Variants in PTAR1 observed in about 807,000 individuals in gnomAD.
PTAR1 encodes the protein protein prenyltransferase alpha subunit repeat containing 1.
In PTAR1, 17 loss-of-function variants were observed where a neutral mutation model predicts 45.5. That is an observed-to-expected ratio of 0.37 (90% CI 0.26 to 0.56). The LOEUF is 0.56. PTAR1 is among the 20% of genes least tolerant of loss of function. PTAR1 has a pLI of 0.77. For synonymous variants in PTAR1, 169 were observed against 171.3 expected, an observed-to-expected ratio of 0.99 and a Z score of 0.11; for missense variants, 391 against 476.3, an observed-to-expected ratio of 0.82 and a Z score of 1.67.
At position 69,734,274 on chromosome 9, in the gene PTAR1, A is replaced by AT; in HGVS notation, c.324-21_324-20insA. 8.4e-7 allele frequency: 1 copy of AT among 1,192,648 alleles called. No homozygotes were observed. Among genetic ancestry groups the AT allele is most frequent in the Middle Eastern group, 2.3e-4 (1 of 4,336 alleles). 73.9% of individuals were successfully genotyped at this position (1,192,648 alleles called of 1,614,324 possible). A position where few individuals can be genotyped will look rare whatever the true frequency, so the allele number is the denominator to read the frequency against. On this transcript the variant is annotated intron_variant, in intron 3 of 7. Transcript: ENST00000340434. ...TCTTTCCTGTAAAAAAAAAAAAAAA[A>AT]AAAAAAAAAAATTAAACATTACTTT...
In PTAR1 at chr9:69,713,989, A is replaced by G. The variant is rs1272352601; in HGVS notation, c.*4353T>C. The G allele has an allele frequency of 1.3e-5, 2 of 152,160 alleles. No individual in the cohort carries two copies. The highest frequency in any genetic ancestry group is 2.9e-5 in the Non-Finnish European group (2 of 68,018). The allele number at this position is 152,160 out of a possible 1,614,324, so 9.4% of individuals were successfully genotyped here. A position where few individuals can be genotyped will look rare whatever the true frequency, so the allele number is the denominator to read the frequency against. On this transcript the variant is annotated 3_prime_UTR_variant, in exon 8 of 8. Transcript: ENST00000340434. ...ACATTAAATATAATCTTGCTCCCAAAAAAGTAAGAAAGGCACTCGAATTAA... is the reference window on the plus strand; with the variant it reads ...ACATTAAATATAATCTTGCTCCCAAGAAAGTAAGAAAGGCACTCGAATTAA...
intron 1 of PTAR1, among the ~76,000 whole-genome samples, chr9:69,752,362 T>C (rs779769397): frequency 2.0e-5 from 3 of 152,208 alleles, no homozygotes; most frequent in Non-Finnish European, 4.4e-5. Context: ...GAAACTAAAC[T>C]GAATAGCTTA....
chr9:69,713,177 G>C lies in PTAR1; in HGVS notation c.*5165C>G, dbSNP rs1824592584. On this transcript the variant is annotated 3_prime_UTR_variant, in exon 8 of 8. Transcript: ENST00000340434. ...TTGGAAGCACAAGGTTTCATCAGCA[G>C]ACTAAACTACTGCCCTGTATTGTTC... 1 of 152,092 alleles carries C rather than the reference G, an allele frequency of 6.6e-6. No homozygotes were observed. The highest frequency in any genetic ancestry group is 2.4e-5 in the African/African-American group (1 of 41,414). The allele number at this position is 152,092 out of a possible 1,614,324, so 9.4% of individuals were successfully genotyped here.
intron 6 of PTAR1, among the ~76,000 whole-genome samples, chr9:69,719,137 C>T (rs1351834618): frequency 1.3e-5 from 2 of 152,146 alleles, no homozygotes; most frequent in African/African-American, 2.4e-5. Flanking sequence ...TCTGTGGCCT[C>T]TATCAAGTAC....
At chr9:69,757,942 C>T (rs1446233106) in intron 1 of PTAR1, 3 of 152,134 alleles carry the variant, frequency 2.0e-5, no homozygotes, top group Non-Finnish European at 4.4e-5. Context: ...TAGTCTTAAA[C>T]AATGAGTTAA....
chr9:69,719,681 C>T (rs371448163), intron 6 of PTAR1, among the ~76,000 whole-genome samples: 17 of 152,240 alleles, frequency 1.1e-4, no homozygotes, highest in African/African-American at 4.1e-4. Flanking sequence ...TTTGCAGATA[C>T]TGTATTTTTT....
chr9:69,748,403 T>TA (rs113978279), intron 2 of PTAR1, among the ~76,000 whole-genome samples: 137,321 of 148,246 alleles, frequency 0.93, 63,589 homozygotes, highest in Middle Eastern at 0.96. Flanking sequence ...ATCACAGACT[T>TA]AAAAAAAAAA....
chr9:69,717,749 A>G lies in PTAR1; in HGVS notation c.*593T>C, dbSNP rs1396026141. The G allele has an allele frequency of 1.3e-5, 2 of 152,190 alleles. No individual in the cohort carries two copies. Among genetic ancestry groups the G allele is most frequent in the Non-Finnish European group, 2.9e-5 (2 of 68,052 alleles). The allele number at this position is 152,190 out of a possible 1,614,324, so 9.4% of individuals were successfully genotyped here. Reference sequence around the variant, plus strand: ...GTTTTAGAGACAGGGTCTCAACTCTATTGCCCAGGCTGAGTACAGTGGTGC... The same window carrying G: ...GTTTTAGAGACAGGGTCTCAACTCTGTTGCCCAGGCTGAGTACAGTGGTGC... On this transcript the variant is annotated 3_prime_UTR_variant, in exon 8 of 8. Transcript: ENST00000340434.
chr9:69,734,050 C>T, intron 4 of PTAR1, 100 bp downstream of exon 4: 3 of 717,758 alleles, frequency 4.2e-6, no homozygotes, highest in Non-Finnish European at 7.2e-6. Flanking sequence ...AGAATTCATG[C>T]TCTGGAACCA....
At chr9:69,737,374 C>G (rs1276688643) in intron 3 of PTAR1, among the ~76,000 whole-genome samples, 1 of 152,122 alleles carries the variant, frequency 6.6e-6, no homozygotes. Flanking sequence ...AGCCACCATA[C>G]CTGGCCTTAG....
intron 1 of PTAR1, among the ~76,000 whole-genome samples, chr9:69,753,501 G>GAT (rs1295354034): frequency 6.6e-6 from 1 of 152,060 alleles, no homozygotes; most frequent in African/African-American, 2.4e-5. Flanking sequence ...GATGGAAATA[G>GAT]ATATATACAC....
chr9:69,759,546 A>T (rs1046859891), intron 1 of PTAR1, among the ~76,000 whole-genome samples: 2 of 152,134 alleles, frequency 1.3e-5, no homozygotes, highest in Non-Finnish European at 2.9e-5. Flanking sequence ...AAGGATGTCG[A>T]CCTACGGGGG....
rs556590869 is a variant in PTAR1, at chr9:69,709,958, T to C, written c.*8384A>G. ...TACATGGTATGGAATTATTCCTCCT[T>C]AATAATGCTTGGCAAATTGGAACAG... On this transcript the variant is annotated 3_prime_UTR_variant, in exon 8 of 8. Transcript: ENST00000340434. 6.6e-6 allele frequency: 1 copy of C among 152,294 alleles called. No individual in the cohort carries two copies. Among genetic ancestry groups the C allele is most frequent in the East Asian group, 1.9e-4 (1 of 5,188 alleles). The allele number at this position is 152,294 out of a possible 1,614,324, so 9.4% of individuals were successfully genotyped here. A position where few individuals can be genotyped will look rare whatever the true frequency, so the allele number is the denominator to read the frequency against.
chr9:69,733,261 T>C (rs1825628033), intron 4 of PTAR1, among the ~76,000 whole-genome samples: 1 of 152,192 alleles, frequency 6.6e-6, no homozygotes, highest in South Asian at 2.1e-4. Context: ...TGTGGTATAC[T>C]ATCTCAATTT....
At position 69,715,011 on chromosome 9, in the gene PTAR1, A is replaced by G. The variant is rs1292128392; in HGVS notation, c.*3331T>C. On this transcript the variant is annotated 3_prime_UTR_variant, in exon 8 of 8. Transcript: ENST00000340434. ...AATCAAAGAATTTCTTCAGATGATT[A>G]AAAGCAGTTTCGGCTCTGTATGCAG... 6.6e-6 allele frequency: 1 copy of G among 152,078 alleles called. No homozygotes were observed. The highest frequency in any genetic ancestry group is 6.6e-5 in the Admixed American group (1 of 15,234). 9.4% of individuals were successfully genotyped at this position (152,078 alleles called of 1,614,324 possible).
chr9:69,718,764 T>A (rs1358504635), intron 6 of PTAR1, 80 bp from the exon 7 acceptor site: 1 of 1,099,362 alleles, frequency 9.1e-7, no homozygotes, highest in Admixed American at 2.9e-5. Flanking sequence ...AAGTTTGCAA[T>A]TTCAAAACAT....
chr9:69,754,405 G>A (rs908117815), intron 1 of PTAR1, among the ~76,000 whole-genome samples: 2 of 151,356 alleles, frequency 1.3e-5, no homozygotes, highest in Non-Finnish European at 2.9e-5. Context: ...CTATTTTTCT[G>A]GAAATTTAAG....
Position 69,718,572 on chromosome 9 carries a change from G to A in PTAR1, c.983-4C>T. ...GCTTGAGACAGCTGGGAGCCTGCTG[G>A]GATAAGGTGCAAGTCACTCAAAGTC... On this transcript the variant is annotated splice_region_variant and splice_polypyrimidine_tract_variant and intron_variant, in intron 7 of 7. Coordinates refer to ENST00000340434, the MANE Select transcript of PTAR1 (RefSeq NM_001099666.2). 1 of 1,613,546 alleles carries A rather than the reference G, an allele frequency of 6.2e-7. No individual in the cohort carries two copies. Among genetic ancestry groups the A allele is most frequent in the Non-Finnish European group, 8.5e-7 (1 of 1,179,606 alleles).
At position 69,758,948 on chromosome 9, in the gene PTAR1, A is replaced by G. The variant is rs148098688; in HGVS notation, c.86+905T>C. ...CCATGTTTCTTTTCTTTGAGGAGGA[A>G]GAGGTATGGGAAAGGAGGTACATTG... On this transcript the variant is annotated intron_variant, in intron 1 of 7. Coordinates refer to ENST00000340434, the MANE Select transcript of PTAR1 (RefSeq NM_001099666.2). 4.8e-3 allele frequency among the ~76,000 whole-genome samples: 730 copies of G among 152,198 alleles called. 5 individuals carry two copies. Among genetic ancestry groups the G allele is most frequent in the African/African-American group, 0.017 (694 of 41,538 alleles).
Sources: gnomAD v4.1 joint callset for allele counts (sites outside exome capture counted in the v4.1 genomes callset) on GRCh38, gnomAD v4.1.1 for gene constraint, MANE v1.5 for transcripts, NCBI Gene and HGNC (gene_info 2026-07-23, HGNC 2026-07-21) for gene names.